The following XKR4 variants were observed in gnomAD, a reference collection of about 807,000 sequenced individuals.
XKR4 encodes the protein XK-related protein 4.
A neutral mutation model predicts 53.9 loss-of-function variants in XKR4; 12 were observed. The observed-to-expected ratio is 0.22, with a 90% CI of 0.14 to 0.36. XKR4 has a LOEUF of 0.36. XKR4 is among the 10% of genes least tolerant of loss of function. The pLI, the probability that XKR4 is intolerant of heterozygous loss-of-function variation, is 1.00. For missense variants in XKR4, 799 were observed against 859.5 expected, an observed-to-expected ratio of 0.93 and a Z score of 0.88; for synonymous variants, 354 against 362.4, an observed-to-expected ratio of 0.98 and a Z score of 0.26.
chr8:55,205,283 T>A (rs1174872639), intron 1 of XKR4, among the ~76,000 whole-genome samples: 1 of 152,250 alleles, frequency 6.6e-6, no homozygotes, highest in Admixed American at 6.5e-5. Flanking sequence ...CACATTGTAC[T>A]TTCTGACATT....
chr8:55,491,732 G>C (rs1044787133), intron 2 of XKR4, among the ~76,000 whole-genome samples: 1 of 152,132 alleles, frequency 6.6e-6, no homozygotes, highest in Non-Finnish European at 1.5e-5. Flanking sequence ...CTAGGTTCAA[G>C]TGATCCTCCC....
chr8:55,175,998 T>C (rs1469103058), intron 1 of XKR4, among the ~76,000 whole-genome samples: 1 of 152,208 alleles, frequency 6.6e-6, no homozygotes, highest in African/African-American at 2.4e-5. Context: ...TCCATAAAAA[T>C]ATGACACTTT....
At chr8:55,121,256 T>C (rs1456733551) in intron 1 of XKR4, among the ~76,000 whole-genome samples, 1 of 152,232 alleles carries the variant, frequency 6.6e-6, no homozygotes, top group Non-Finnish European at 1.5e-5. Flanking sequence ...CTGGATTATA[T>C]GGGAAGAGTG....
chr8:55,129,818 T>C (rs1388339018), intron 1 of XKR4, among the ~76,000 whole-genome samples: 1 of 152,166 alleles, frequency 6.6e-6, no homozygotes, highest in African/African-American at 2.4e-5. Flanking sequence ...TGGATGATAC[T>C]GGAGACTGAG....
At chr8:55,455,067 C>T in intron 2 of XKR4, 2 of 711,414 alleles carry the variant, frequency 2.8e-6, no homozygotes, top group South Asian at 2.9e-5. Context: ...AGAATCTGGC[C>T]CTGGCCTTTC....
intron 2 of XKR4, among the ~76,000 whole-genome samples, chr8:55,416,231 T>C (rs549234950): frequency 6.6e-6 from 1 of 151,964 alleles, no homozygotes; most frequent in East Asian, 1.9e-4. Context: ...AGCTACAGAG[T>C]ATGGAAAAGA....
chr8:55,496,168 G>C (rs74526994), intron 2 of XKR4, among the ~76,000 whole-genome samples: 1 of 152,132 alleles, frequency 6.6e-6, no homozygotes, highest in Non-Finnish European at 1.5e-5. Context: ...ATAAGTACTC[G>C]CATACTGAGT....
intron 1 of XKR4, among the ~76,000 whole-genome samples, chr8:55,347,050 A>G (rs1803659061): frequency 6.6e-6 from 1 of 152,222 alleles, no homozygotes; most frequent in Non-Finnish European, 1.5e-5. Flanking sequence ...TGTCTGAAAC[A>G]TGACTCACAT....
At chr8:55,289,743 A>AAAAG (rs199720273) in intron 1 of XKR4, among the ~76,000 whole-genome samples, 7 of 142,356 alleles carry the variant, frequency 4.9e-5, no homozygotes, top group African/African-American at 1.7e-4. Context: ...GAAAGAAAGA[A>AAAAG]AAAGAAAGAA....
intron 2 of XKR4, among the ~76,000 whole-genome samples, chr8:55,489,008 A>T (rs1012470547): frequency 2.6e-5 from 4 of 152,124 alleles, no homozygotes; most frequent in Non-Finnish European, 5.9e-5. Context: ...GGATGAATAG[A>T]TGGGACACAA....
At chr8:55,479,364 A>G (rs1047741181) in intron 2 of XKR4, among the ~76,000 whole-genome samples, 3 of 152,144 alleles carry the variant, frequency 2.0e-5, no homozygotes, top group African/African-American at 7.2e-5. Flanking sequence ...GAACAAAGAC[A>G]CAACATACCA....
intron 1 of XKR4, among the ~76,000 whole-genome samples, chr8:55,104,494 C>T (rs1439734600): frequency 1.3e-5 from 2 of 152,138 alleles, no homozygotes; most frequent in Non-Finnish European, 2.9e-5. Context: ...GCCGAAGTAT[C>T]ACCTGTGGAA....
chr8:55,397,050 G>T (rs553982057), intron 2 of XKR4, among the ~76,000 whole-genome samples: 133 of 152,314 alleles, frequency 8.7e-4, no homozygotes, highest in African/African-American at 3.0e-3. Context: ...ATTCAAAGAT[G>T]AGTATTTCTC....
intron 1 of XKR4, among the ~76,000 whole-genome samples, chr8:55,300,355 G>A (rs2129376687): frequency 6.6e-6 from 1 of 152,210 alleles, no homozygotes; most frequent in South Asian, 2.1e-4. Flanking sequence ...ATAAACAGCA[G>A]GTGGAAATCA....
At chr8:55,245,944 T>G (rs1818279278) in intron 1 of XKR4, among the ~76,000 whole-genome samples, 1 of 151,994 alleles carries the variant, frequency 6.6e-6, no homozygotes, top group African/African-American at 2.4e-5. Context: ...AATAAATAAA[T>G]AAATAAAATT....
chr8:55,425,312 G>A (rs1251817995), intron 2 of XKR4, among the ~76,000 whole-genome samples: 7 of 152,182 alleles, frequency 4.6e-5, no homozygotes, highest in Non-Finnish European at 7.3e-5. Context: ...TCTGGGATTT[G>A]AATGCTCACC....
chr8:55,420,114 T>A (rs1008183182), intron 2 of XKR4, among the ~76,000 whole-genome samples: 25 of 152,364 alleles, frequency 1.6e-4, no homozygotes, highest in Middle Eastern at 6.8e-3. Flanking sequence ...GCTTTTTTTT[T>A]ATTTGGATTT....
intron 1 of XKR4, among the ~76,000 whole-genome samples, chr8:55,315,944 A>C (rs1236872189): frequency 6.6e-6 from 1 of 152,198 alleles, no homozygotes; most frequent in Non-Finnish European, 1.5e-5. Context: ...AGCTAAAGGC[A>C]AGAAGACTCA....
At chr8:55,187,869 T>C (rs1375772844) in intron 1 of XKR4, among the ~76,000 whole-genome samples, 2 of 152,248 alleles carry the variant, frequency 1.3e-5, no homozygotes, top group Non-Finnish European at 2.9e-5. Flanking sequence ...AATTTATTTT[T>C]TGTAAGCAAT....
Sources: gnomAD v4.1 joint callset for allele counts (sites outside exome capture counted in the v4.1 genomes callset) on GRCh38, gnomAD v4.1.1 for gene constraint, MANE v1.5 for transcripts, NCBI Gene and HGNC (gene_info 2026-07-23, HGNC 2026-07-21) for gene names.